The following THSD7A variants were observed in gnomAD, a reference collection of about 807,000 sequenced individuals.
THSD7A encodes thrombospondin type 1 domain containing 7A, also known as thrombospondin type-1 domain-containing protein 7A.
Under a neutral mutation model 231.3 loss-of-function variants are expected in THSD7A, and 96 were observed. That is an observed-to-expected ratio of 0.41 (90% CI 0.35 to 0.49). The LOEUF (loss-of-function observed/expected upper bound fraction) is 0.49. THSD7A is among the 20% of genes least tolerant of loss of function. The pLI, the probability that THSD7A is intolerant of heterozygous loss-of-function variation, is 0.05. For missense variants in THSD7A, 2,290 were observed against 2,070.2 expected (o/e 1.11, Z -2.06); for synonymous variants, 940 against 743.3 (o/e 1.26, Z -4.30).
intron 1 of THSD7A, among the ~76,000 whole-genome samples, chr7:11,725,439 T>A (rs930982473): frequency 3.9e-5 from 6 of 151,948 alleles, no homozygotes; most frequent in Admixed American, 3.3e-4. Flanking sequence ...AAGACATACC[T>A]ATCTTGTTTG....
At chr7:11,611,787 AACACACACACACACACACACACAC>A (rs56683135) in intron 2 of THSD7A, among the ~76,000 whole-genome samples, 2 of 138,686 alleles carry the variant, frequency 1.4e-5, no homozygotes, top group African/African-American at 5.5e-5. Flanking sequence ...AGTACCATAA[AACACACACACACACACACACACAC>A]ACACACACAC....
intron 1 of THSD7A, among the ~76,000 whole-genome samples, chr7:11,793,124 T>C (rs1165198732): frequency 6.6e-6 from 1 of 151,580 alleles, no homozygotes. Flanking sequence ...AAGGGACAAC[T>C]AGAAGGAGAA....
chr7:11,417,317 C>A, intron 17 of THSD7A, 133 bp downstream of exon 17: 2 of 862,474 alleles, frequency 2.3e-6, no homozygotes, highest in Non-Finnish European at 3.5e-6. Context: ...AGAAGACACA[C>A]CTTGCTTTGC....
At chr7:11,502,237 A>G (rs1328445352) in intron 6 of THSD7A, among the ~76,000 whole-genome samples, 1 of 152,208 alleles carries the variant, frequency 6.6e-6, no homozygotes, top group African/African-American at 2.4e-5. Context: ...ATTCCTACAG[A>G]AACTCTTCCA....
chr7:11,502,831 A>G (rs1012117949), intron 6 of THSD7A, among the ~76,000 whole-genome samples: 22 of 152,238 alleles, frequency 1.4e-4, no homozygotes, highest in African/African-American at 4.8e-4. Flanking sequence ...AAAACATGCC[A>G]TGCTGATGGA....
At chr7:11,685,204 A>G (rs1258995419) in intron 1 of THSD7A, among the ~76,000 whole-genome samples, 1 of 151,952 alleles carries the variant, frequency 6.6e-6, no homozygotes, top group Non-Finnish European at 1.5e-5. Context: ...TATACCTCTC[A>G]TCATATACAA....
At chr7:11,545,802 T>C (rs186863969) in intron 4 of THSD7A, among the ~76,000 whole-genome samples, 2 of 152,150 alleles carry the variant, frequency 1.3e-5, no homozygotes, top group East Asian at 3.9e-4. Flanking sequence ...TCCAGAGCGT[T>C]TGGCACAGAA....
At chr7:11,496,743 T>C (rs924084121) in intron 6 of THSD7A, among the ~76,000 whole-genome samples, 4 of 152,160 alleles carry the variant, frequency 2.6e-5, no homozygotes, top group East Asian at 1.9e-4. Context: ...AGATGAAATA[T>C]AAAAGTGGCA....
At chr7:11,793,063 G>C (rs1784009315) in intron 1 of THSD7A, among the ~76,000 whole-genome samples, 1 of 151,868 alleles carries the variant, frequency 6.6e-6, no homozygotes, top group Non-Finnish European at 1.5e-5. Context: ...ATATAAAACT[G>C]TTTGATATCT....
At chr7:11,808,116 C>A (rs1784443304) in intron 1 of THSD7A, among the ~76,000 whole-genome samples, 1 of 151,392 alleles carries the variant, frequency 6.6e-6, no homozygotes, top group African/African-American at 2.4e-5. Flanking sequence ...TCTGATTACG[C>A]CAGGGTGCCA....
At chr7:11,813,307 A>C (rs1226565930) in intron 1 of THSD7A, among the ~76,000 whole-genome samples, 1 of 152,168 alleles carries the variant, frequency 6.6e-6, no homozygotes, top group Non-Finnish European at 1.5e-5. Context: ...CCCCTAAAAC[A>C]CTTTCCTATA....
intron 1 of THSD7A, among the ~76,000 whole-genome samples, chr7:11,783,734 G>A (rs528666999): frequency 7.9e-5 from 12 of 152,162 alleles, no homozygotes; most frequent in East Asian, 5.8e-4. Context: ...TATTTGTTAC[G>A]TTATAATTTA....
At chr7:11,438,083 A>G (rs1784689647) in intron 13 of THSD7A, among the ~76,000 whole-genome samples, 1 of 151,876 alleles carries the variant, frequency 6.6e-6, no homozygotes, top group Admixed American at 6.6e-5. Context: ...CAGCTGAGAC[A>G]TGTGTACTGG....
intron 7 of THSD7A, among the ~76,000 whole-genome samples, chr7:11,477,370 C>T (rs62438197): frequency 0.41 from 61,662 of 151,838 alleles, 12,886 homozygotes; most frequent in Admixed American, 0.49. Context: ...GAAATGATAT[C>T]GTATTCTCAT....
At chr7:11,506,020 T>C (rs1394267017) in intron 6 of THSD7A, among the ~76,000 whole-genome samples, 1 of 151,894 alleles carries the variant, frequency 6.6e-6, no homozygotes, top group Non-Finnish European at 1.5e-5. Context: ...CAAAAAGAGG[T>C]AAAGAGATTG....
At chr7:11,803,980 T>C (rs1334882514) in intron 1 of THSD7A, among the ~76,000 whole-genome samples, 3 of 152,288 alleles carry the variant, frequency 2.0e-5, no homozygotes, top group African/African-American at 7.2e-5. Flanking sequence ...GTTTTGTATG[T>C]ATTTGTATTT....
At chr7:11,410,785 A>C (rs141660974) in intron 19 of THSD7A, among the ~76,000 whole-genome samples, 1 of 152,202 alleles carries the variant, frequency 6.6e-6, no homozygotes, top group Non-Finnish European at 1.5e-5. Flanking sequence ...TTAGATCCTA[A>C]TATCAAAATC....
At chr7:11,464,848 T>A (rs987267907) in intron 9 of THSD7A, among the ~76,000 whole-genome samples, 4 of 152,186 alleles carry the variant, frequency 2.6e-5, no homozygotes, top group African/African-American at 9.6e-5. Context: ...CAGGTCTGTT[T>A]CTTCTCATAT....
At chr7:11,448,105 A>T (rs1785033217) in intron 11 of THSD7A, among the ~76,000 whole-genome samples, 1 of 152,168 alleles carries the variant, frequency 6.6e-6, no homozygotes, top group Non-Finnish European at 1.5e-5. Context: ...TCAACCTGGC[A>T]CTTAAAAATT....
Sources: allele counts gnomAD v4.1 joint callset (sites outside exome capture counted in the v4.1 genomes callset), GRCh38; gene constraint gnomAD v4.1.1; transcripts MANE v1.5; gene names NCBI Gene and HGNC (gene_info 2026-07-23, HGNC 2026-07-21).